The following PRKAG2 variants were observed in gnomAD, a reference collection of about 807,000 sequenced individuals.
PRKAG2 encodes the protein 5'-AMP-activated protein kinase subunit gamma-2.
Under a neutral mutation model 69.6 loss-of-function variants are expected in PRKAG2, and 26 were observed. The observed-to-expected ratio is 0.37, with a 90% confidence interval of 0.27 to 0.52. The LOEUF is 0.52. Among genes scored for constraint, PRKAG2 ranks in the 20% least tolerant of loss-of-function variants. The pLI, the probability that PRKAG2 is intolerant of heterozygous loss-of-function variation, is 0.90. For missense variants in PRKAG2, 557 were observed against 740.0 expected, an observed-to-expected ratio of 0.75 and a Z score of 2.87; for synonymous variants, 293 against 285.0, an observed-to-expected ratio of 1.03 and a Z score of -0.28.
At chr7:151,680,170 C>T (rs974493112) in intron 3 of PRKAG2, among the ~76,000 whole-genome samples, 4 of 152,198 alleles carry the variant, frequency 2.6e-5, no homozygotes, top group Non-Finnish European at 2.9e-5. Context: ...AAACCACAAA[C>T]GCGCATGTTC....
intron 15 of PRKAG2, chr7:151,557,619 C>G: frequency 1.0e-6 from 1 of 954,736 alleles, no homozygotes. Flanking sequence ...TCTGTAATCC[C>G]AGCACTTTGG....
At chr7:151,825,677 TG>T (rs2078890264) in intron 1 of PRKAG2, among the ~76,000 whole-genome samples, 1 of 152,240 alleles carries the variant, frequency 6.6e-6, no homozygotes, top group Non-Finnish European at 1.5e-5. Context: ...CTGCCCTGTT[TG>T]TCTCTGGGAC....
intron 1 of PRKAG2, among the ~76,000 whole-genome samples, chr7:151,854,431 T>A (rs1213455359): frequency 6.6e-6 from 1 of 152,234 alleles, no homozygotes; most frequent in Non-Finnish European, 1.5e-5. Context: ...AGGGCTGCTG[T>A]CTGAGACCTG....
chr7:151,557,994 A>G (rs1329685541), intron 15 of PRKAG2: 3 of 984,646 alleles, frequency 3.0e-6, no homozygotes, highest in Non-Finnish European at 3.6e-6. Context: ...GAGAGCTACT[A>G]TTTTTCTCAT....
At chr7:151,619,912 T>C (rs1184412714) in intron 5 of PRKAG2, among the ~76,000 whole-genome samples, 1 of 152,042 alleles carries the variant, frequency 6.6e-6, no homozygotes, top group African/African-American at 2.4e-5. Context: ...TCCCAGCTAC[T>C]CGGGAGGCTG....
chr7:151,663,698 G>C (rs1026627892), intron 4 of PRKAG2, among the ~76,000 whole-genome samples: 1 of 152,170 alleles, frequency 6.6e-6, no homozygotes, highest in Non-Finnish European at 1.5e-5. Flanking sequence ...TCCTCCTTAA[G>C]GGCAGGACAA....
At chr7:151,832,501 A>C (rs1013373216) in intron 1 of PRKAG2, among the ~76,000 whole-genome samples, 1 of 150,414 alleles carries the variant, frequency 6.6e-6, no homozygotes, top group Non-Finnish European at 1.5e-5. Context: ...GAAAGGGAGG[A>C]GGGTCAGGGC....
chr7:151,641,793 G>A (rs1460592714), intron 4 of PRKAG2, among the ~76,000 whole-genome samples: 3 of 152,112 alleles, frequency 2.0e-5, no homozygotes, highest in Non-Finnish European at 1.5e-5. Context: ...TTATAGGCAT[G>A]AGTGACATCA....
At chr7:151,560,396 C>T in intron 15 of PRKAG2, 128 bp downstream of exon 15, 12 of 1,590,042 alleles carry the variant, frequency 7.5e-6, no homozygotes, top group Non-Finnish European at 1.0e-5. Flanking sequence ...AAAATGGTTT[C>T]AAAGTAATAT....
rs1384220580 is a variant in PRKAG2, at chr7:151,835,919, C to T, written c.114+40588G>A. On this transcript the variant is annotated intron_variant, in intron 1 of 15. Coordinates refer to ENST00000287878, the MANE Select transcript of PRKAG2 (RefSeq NM_016203.4). The surrounding 1 kb of genome is among the most constrained non-coding windows in gnomAD (Gnocchi z 4.1). ...AAGAGTGGGGTGCAGCTCAGGGAGG[C>T]ATCGGAGATGGGGACTGTGACGAGG... 2.0e-5 allele frequency among the ~76,000 whole-genome samples: 3 copies of T among 152,174 alleles called. No individual in the cohort carries two copies. The highest frequency in any genetic ancestry group is 4.4e-5 in the Non-Finnish European group (3 of 68,034).
At chr7:151,843,638 C>T (rs762355981) in intron 1 of PRKAG2, among the ~76,000 whole-genome samples, 2 of 152,234 alleles carry the variant, frequency 1.3e-5, no homozygotes, top group Non-Finnish European at 2.9e-5. Flanking sequence ...GATCTGGTAT[C>T]ACACAGCCTT....
chr7:151,617,289 AG>A (rs1260718098), intron 5 of PRKAG2, among the ~76,000 whole-genome samples: 16 of 16,374 alleles, frequency 9.8e-4, no homozygotes, highest in South Asian at 9.1e-3. Flanking sequence ...GGAAAGAGGG[AG>A]GGGGGGAGGG....
chr7:151,647,167 A>G (rs1224197282), intron 4 of PRKAG2, among the ~76,000 whole-genome samples: 1 of 152,204 alleles, frequency 6.6e-6, no homozygotes, highest in Non-Finnish European at 1.5e-5. Context: ...AAGCCATTGC[A>G]GAGAGAGAGA....
chr7:151,590,682 T>C (rs1262309784), intron 6 of PRKAG2, among the ~76,000 whole-genome samples: 1 of 152,218 alleles, frequency 6.6e-6, no homozygotes, highest in Non-Finnish European at 1.5e-5. Context: ...GGGACAGGTT[T>C]CCGCATGCTG....
intron 3 of PRKAG2, among the ~76,000 whole-genome samples, chr7:151,761,565 C>T (rs2075413331): frequency 6.6e-6 from 1 of 152,194 alleles, no homozygotes; most frequent in African/African-American, 2.4e-5. Context: ...TAATCAGCTG[C>T]ACCCATTCCC....
chr7:151,604,395 G>A (rs1816972552), intron 5 of PRKAG2, among the ~76,000 whole-genome samples: 1 of 152,230 alleles, frequency 6.6e-6, no homozygotes, highest in African/African-American at 2.4e-5. Flanking sequence ...CCAGCACTTT[G>A]GGAGGCCGAG....
At chr7:151,795,700 GAAGAGGGA>G (rs2077468114) in intron 1 of PRKAG2, among the ~76,000 whole-genome samples, 1 of 151,950 alleles carries the variant, frequency 6.6e-6, no homozygotes, top group African/African-American at 2.4e-5. Context: ...CAGCAGGCCT[GAAGAGGGA>G]AAACAGAGGG....
chr7:151,784,868 G>C (rs1234300510), intron 2 of PRKAG2, among the ~76,000 whole-genome samples: 3 of 152,208 alleles, frequency 2.0e-5, no homozygotes, highest in Admixed American at 1.3e-4. Context: ...CATGCTGGAT[G>C]CTGGGCCCTG....
At chr7:151,646,350 C>G (rs950524358) in intron 4 of PRKAG2, among the ~76,000 whole-genome samples, 1 of 152,162 alleles carries the variant, frequency 6.6e-6, no homozygotes, top group Non-Finnish European at 1.5e-5. Flanking sequence ...CCTTTGATTT[C>G]TCTCAGCAAT....
Sources: allele counts gnomAD v4.1 joint callset (sites outside exome capture counted in the v4.1 genomes callset), GRCh38; gene constraint gnomAD v4.1.1; non-coding constraint Gnocchi (gnomAD v3.1); transcripts MANE v1.5; gene names NCBI Gene and HGNC (gene_info 2026-07-23, HGNC 2026-07-21).